The following FOXO3 variants were observed in gnomAD, a reference collection of about 807,000 sequenced individuals.
FOXO3 encodes the protein forkhead box O3, also known as forkhead box protein O3.
A neutral mutation model predicts 41.9 loss-of-function variants in FOXO3; 4 were observed. The observed-to-expected ratio is 0.10, with a 90% CI of 0.05 to 0.22. FOXO3 has a LOEUF of 0.22. Among genes scored for constraint, FOXO3 ranks in the 10% least tolerant of loss-of-function variants. FOXO3 has a pLI of 1.00. For synonymous variants in FOXO3, 318 were observed against 389.3 expected (o/e 0.82, Z 2.16); for missense variants, 534 against 906.8 (o/e 0.59, Z 5.28).
Position 108,603,891 on chromosome 6 carries a change from A to AT in FOXO3, c.621+42071dup, listed in dbSNP as rs1001983549. 1.9e-4 allele frequency among the ~76,000 whole-genome samples: 29 copies of AT among 151,776 alleles called. 1 individual carries two copies. The highest frequency in any genetic ancestry group is 3.3e-4 in the Admixed American group (5 of 15,230). On this transcript the variant is annotated intron_variant, in intron 1 of 2. Coordinates refer to ENST00000406360, the MANE Select transcript of FOXO3 (RefSeq NM_001455.4). ...ATTTCCCAGCATGGTACATTAGACA[A>AT]TTTTTTTTTATTTAAAAAGAAGTAT...
intron 1 of FOXO3, among the ~76,000 whole-genome samples, chr6:108,611,344 T>C (rs1777358555): frequency 6.6e-6 from 1 of 152,206 alleles, no homozygotes; most frequent in Non-Finnish European, 1.5e-5. Context: ...TCAGGACTTT[T>C]GGGGATGTAT....
Position 108,654,988 on chromosome 6 carries a change from C to T in FOXO3, c.622-8467C>T, listed in dbSNP as rs116107034. ...ACCTGCTTTTGAACAACATCTTAGT[C>T]CCAAAGTAGATAAAATCTAGCAGAA... On this transcript the variant is annotated intron_variant, in intron 1 of 2. Transcript: ENST00000406360. Among the ~76,000 whole-genome samples the T allele has an allele frequency of 8.8e-3, 1,334 of 152,184 alleles. 17 individuals are homozygous for T. Among genetic ancestry groups the T allele is most frequent in the African/African-American group, 0.031 (1,270 of 41,516 alleles).
intron 1 of FOXO3, chr6:108,618,055 A>G (rs1777565583): frequency 1.4e-6 from 1 of 705,404 alleles, no homozygotes; most frequent in African/African-American, 1.7e-5. Flanking sequence ...TTCATTCTCC[A>G]TTTCCAACTG....
intron 1 of FOXO3, among the ~76,000 whole-genome samples, chr6:108,620,352 TAGG>T (rs987035599): frequency 6.6e-6 from 1 of 152,200 alleles, no homozygotes; most frequent in Non-Finnish European, 1.5e-5. Context: ...TTTTCTTAAA[TAGG>T]AGGGAGAAAA....
chr6:108,579,743 C>T (rs2128359655), intron 1 of FOXO3, among the ~76,000 whole-genome samples: 1 of 152,206 alleles, frequency 6.6e-6, no homozygotes, highest in African/African-American at 2.4e-5. Context: ...AGTAAAACAT[C>T]TGGTAGCAGT....
intron 1 of FOXO3, among the ~76,000 whole-genome samples, chr6:108,646,083 C>T (rs1437085756): frequency 6.6e-6 from 1 of 152,176 alleles, no homozygotes; most frequent in Non-Finnish European, 1.5e-5. Flanking sequence ...TCTGCCCTCT[C>T]ATCTCAGCAA....
Position 108,611,353 on chromosome 6 carries a change from A to T in FOXO3, c.621+49524A>T, listed in dbSNP as rs532035740. On this transcript the variant is annotated intron_variant, in intron 1 of 2. Coordinates refer to ENST00000406360, the MANE Select transcript of FOXO3 (RefSeq NM_001455.4). Reference sequence around the variant, plus strand: ...CTATGTTCAGGACTTTTGGGGATGTATTTATTCATGTATTTGTGATAAATG... The same window carrying T: ...CTATGTTCAGGACTTTTGGGGATGTTTTTATTCATGTATTTGTGATAAATG... 2.5e-4 allele frequency among the ~76,000 whole-genome samples: 38 copies of T among 152,314 alleles called. No individual in the cohort carries two copies. The South Asian group carries it at 7.7e-3, about 31-fold the overall frequency.
chr6:108,620,073 A>C (rs985959279), intron 1 of FOXO3, among the ~76,000 whole-genome samples: 12 of 152,220 alleles, frequency 7.9e-5, no homozygotes, highest in Non-Finnish European at 1.6e-4. Flanking sequence ...GAAGAGTTAA[A>C]TAATTCCTTG....
Position 108,561,474 on chromosome 6 carries a change from G to A in FOXO3, c.266G>A (p.Gly89Asp). Residue 89 changes from glycine to aspartate, a missense_variant, in exon 1 of 3, where the codon GGC (glycine) becomes GAC (aspartate). By Grantham distance (94) the Gly-to-Asp change is moderately conservative. This residue lies in a region of FOXO3 where 139 missense variants were observed against 163.7 expected (regional missense o/e 0.85). Coordinates refer to ENST00000406360, the MANE Select transcript of FOXO3 (RefSeq NM_001455.4). Reference protein sequence around the residue: ...IGGGGGSGTLGSGLLLEDSAR... With the variant: ...IGGGGGSGTLDSGLLLEDSAR... ...GGCGGCGGCGGGAGCGGCACGCTGG[G>A]CTCCGGGCTGCTCCTTGAGGACTCG... is the stretch of plus-strand genomic sequence containing the variant. The A allele has an allele frequency of 1.3e-6, 2 of 1,513,486 alleles. No homozygotes were observed. The highest frequency in any genetic ancestry group is 1.8e-6 in the Non-Finnish European group (2 of 1,134,290). 93.8% of individuals were successfully genotyped at this position (1,513,486 alleles called of 1,614,324 possible). A position where few individuals can be genotyped will look rare whatever the true frequency, so the allele number is the denominator to read the frequency against.
At chr6:108,590,193 T>C (rs1369578465) in intron 1 of FOXO3, among the ~76,000 whole-genome samples, 1 of 151,868 alleles carries the variant, frequency 6.6e-6, no homozygotes, top group Non-Finnish European at 1.5e-5. Context: ...TGCAGTGGCA[T>C]GCTCACTGCA....
intron 1 of FOXO3, among the ~76,000 whole-genome samples, chr6:108,641,123 T>C (rs151014159): frequency 0.029 from 4,387 of 152,208 alleles, 211 homozygotes; most frequent in African/African-American, 0.098. Context: ...TTGGCCAGGC[T>C]GGTCTCAAAC....
intron 1 of FOXO3, among the ~76,000 whole-genome samples, chr6:108,647,808 T>C (rs1288747354): frequency 1.3e-5 from 2 of 152,238 alleles, no homozygotes. Context: ...CTGTATTTCA[T>C]GATAAAGCCT....
intron 1 of FOXO3, among the ~76,000 whole-genome samples, chr6:108,650,037 T>G (rs1778505384): frequency 6.6e-6 from 1 of 152,062 alleles, no homozygotes; most frequent in Non-Finnish European, 1.5e-5. Flanking sequence ...CATTAGCAAA[T>G]GAAAAACCTG....
chr6:108,668,499 G>C (rs1046630037), intron 2 of FOXO3, among the ~76,000 whole-genome samples: 6 of 152,116 alleles, frequency 3.9e-5, no homozygotes, highest in African/African-American at 1.4e-4. Context: ...TCGAGCTTCC[G>C]GTAAGCCTTC....
intron 1 of FOXO3, among the ~76,000 whole-genome samples, chr6:108,643,940 TAGTA>T (rs1562255446): frequency 6.6e-6 from 1 of 152,184 alleles, no homozygotes; most frequent in African/African-American, 2.4e-5. Flanking sequence ...ATCCCCAAGA[TAGTA>T]AGTATTTTTG....
chr6:108,663,551 G>T lies in FOXO3; in HGVS notation c.718G>T (p.Gly240Trp). Reference sequence around the variant, plus strand: ...CTCTTGGTGGATCATCAACCCTGATGGGGGGAAGAGCGGAAAAGCCCCCCG... The same window carrying T: ...CTCTTGGTGGATCATCAACCCTGATTGGGGGAAGAGCGGAAAAGCCCCCCG... Reference protein sequence around the residue: ...KSSWWIINPDGGKSGKAPRRR... With the variant: ...KSSWWIINPDWGKSGKAPRRR... The change falls in exon 2 of 3, where the codon GGG becomes TGG. Residue 240 changes from glycine to tryptophan, a missense_variant. Gly to Trp is a radical substitution (Grantham distance 184, BLOSUM62 -2). Around this residue, in one of 8 missense-constraint regions of FOXO3, gnomAD observed 77 missense variants for 193.2 expected, o/e 0.40. Coordinates refer to ENST00000406360, the MANE Select transcript of FOXO3 (RefSeq NM_001455.4). The T allele has an allele frequency of 6.2e-7, 1 of 1,613,790 alleles. No homozygotes were observed. Among genetic ancestry groups the T allele is most frequent in the Non-Finnish European group, 8.5e-7 (1 of 1,179,738 alleles).
intron 1 of FOXO3, among the ~76,000 whole-genome samples, chr6:108,573,896 G>C (rs2128357903): frequency 6.6e-6 from 1 of 152,286 alleles, no homozygotes; most frequent in Middle Eastern, 3.4e-3. Context: ...GCTCACGCCT[G>C]TAATCCCAGC....
chr6:108,567,775 G>A (rs1016187127), intron 1 of FOXO3, among the ~76,000 whole-genome samples: 2 of 152,088 alleles, frequency 1.3e-5, no homozygotes, highest in Non-Finnish European at 2.9e-5. Flanking sequence ...GGCCAGGTGC[G>A]GTGGCTCATG....
At chr6:108,585,187 G>A (rs952487092) in intron 1 of FOXO3, among the ~76,000 whole-genome samples, 22 of 151,862 alleles carry the variant, frequency 1.4e-4, no homozygotes, top group Non-Finnish European at 2.4e-4. Flanking sequence ...GACTACAGGC[G>A]CCCGCCACCG....
Sources: allele counts gnomAD v4.1 joint callset (sites outside exome capture counted in the v4.1 genomes callset), GRCh38; gene constraint gnomAD v4.1.1; regional missense constraint gnomAD v4.1.1; transcripts MANE v1.5; gene names NCBI Gene and HGNC (gene_info 2026-07-23, HGNC 2026-07-21).